Variants in DYNC2H1 observed in about 807,000 individuals in gnomAD.
The protein encoded by DYNC2H1 is cytoplasmic dynein 2 heavy chain 1.
DYNC2H1 carries 410 observed loss-of-function variants against 570.0 expected under a neutral mutation model. The observed-to-expected ratio is 0.72, with a 90% CI of 0.66 to 0.78. DYNC2H1 has a LOEUF of 0.78. DYNC2H1 is among the 30% of genes least tolerant of loss of function. The pLI, the probability that DYNC2H1 is intolerant of heterozygous loss-of-function variation, is 0.00. For synonymous variants in DYNC2H1, 1,688 were observed against 1,677.6 expected (o/e 1.01, Z -0.15); for missense variants, 4,865 against 5,046.4 (o/e 0.96, Z 1.09).
intron 1 of DYNC2H1, among the ~76,000 whole-genome samples, chr11:103,113,157 A>G (rs1858191623): frequency 6.6e-6 from 1 of 152,166 alleles, no homozygotes; most frequent in South Asian, 2.1e-4. Flanking sequence ...CTAGAGAAGC[A>G]CACTACTCAT....
At chr11:103,118,962 T>C (rs996621512) in intron 6 of DYNC2H1, among the ~76,000 whole-genome samples, 1 of 152,064 alleles carries the variant, frequency 6.6e-6, no homozygotes, top group Admixed American at 6.5e-5. Flanking sequence ...CATGAAGAGT[T>C]ACAAAATGGT....
intron 85 of DYNC2H1, among the ~76,000 whole-genome samples, chr11:103,441,660 C>G (rs1230016659): frequency 6.6e-6 from 1 of 152,102 alleles, no homozygotes. Flanking sequence ...TTCCAATCAT[C>G]AAGATTTAGC....
At chr11:103,140,641 T>C (rs571542069) in intron 17 of DYNC2H1, among the ~76,000 whole-genome samples, 81 of 151,178 alleles carry the variant, frequency 5.4e-4, no homozygotes, top group South Asian at 2.1e-3. Context: ...GCTGCCCTTT[T>C]TTCCTTCATT....
chr11:103,126,838 C>T (rs1859028324), intron 12 of DYNC2H1, among the ~76,000 whole-genome samples: 1 of 152,118 alleles, frequency 6.6e-6, no homozygotes, highest in African/African-American at 2.4e-5. Flanking sequence ...TAGAGTTTCA[C>T]CATGTTAGCC....
intron 82 of DYNC2H1, among the ~76,000 whole-genome samples, chr11:103,328,453 CAA>C (rs889024847): frequency 5.3e-5 from 8 of 152,034 alleles, no homozygotes; most frequent in African/African-American, 9.7e-5. Context: ...TCAGATACTA[CAA>C]AGTTTGATTT....
chr11:103,211,873 T>C lies in DYNC2H1; in HGVS notation c.8624T>C (p.Phe2875Ser). The C allele has an allele frequency of 6.5e-7, 1 of 1,533,982 alleles. No homozygotes were observed. The highest frequency in any genetic ancestry group is 8.8e-7 in the Non-Finnish European group (1 of 1,137,470). ...GCTACACCAAGCCGATACATGACCTTTTTACATGTGTATTCTGCCATTAGT... is the reference window on the plus strand; with the variant it reads ...GCTACACCAAGCCGATACATGACCTCTTTACATGTGTATTCTGCCATTAGT... ...YGATPSRYMT[F>S]LHVYSAISSS... Residue 2875 changes from phenylalanine to serine, a missense_variant, in exon 54 of 89, where the codon TTT (phenylalanine) becomes TCT (serine). This residue lies in a region of DYNC2H1 where 2,401 missense variants were observed against 2,454.6 expected (regional missense o/e 0.98). Transcript: ENST00000375735.
chr11:103,389,460 A>C (rs568231043), intron 83 of DYNC2H1, among the ~76,000 whole-genome samples: 1 of 152,144 alleles, frequency 6.6e-6, no homozygotes, highest in African/African-American at 2.4e-5. Context: ...TCCTGGATTC[A>C]TTGATTTCTT....
At chr11:103,240,611 C>T (rs545323136) in intron 63 of DYNC2H1, among the ~76,000 whole-genome samples, 1 of 152,210 alleles carries the variant, frequency 6.6e-6, no homozygotes, top group African/African-American at 2.4e-5. Context: ...ATCTATTTCT[C>T]AAATATCTCA....
At chr11:103,336,034 G>T (rs1417608028) in intron 82 of DYNC2H1, among the ~76,000 whole-genome samples, 2 of 152,124 alleles carry the variant, frequency 1.3e-5, no homozygotes, top group African/African-American at 4.8e-5. Flanking sequence ...TGTGTTATGA[G>T]ATTCAGTCGC....
At chr11:103,340,765 A>G (rs971066885) in intron 82 of DYNC2H1, among the ~76,000 whole-genome samples, 1 of 152,160 alleles carries the variant, frequency 6.6e-6, no homozygotes, top group Non-Finnish European at 1.5e-5. Flanking sequence ...TTGTCTGGCC[A>G]GCAGTTTCAA....
At chr11:103,338,689 T>C (rs1348747939) in intron 82 of DYNC2H1, among the ~76,000 whole-genome samples, 1 of 152,226 alleles carries the variant, frequency 6.6e-6, no homozygotes, top group East Asian at 1.9e-4. Context: ...TATATGAATC[T>C]CTTTCTTAAA....
rs111455957 is a variant in DYNC2H1 at position 103,428,916 on chromosome 11, C to T, written c.12367-7027C>T. ...ATGTGGGTTGTTTCCACCTTCCTAA[C>T]TTTTTATAACAGTGTAATCTCTTAA... On this transcript the variant is annotated intron_variant, in intron 84 of 88. Transcript: ENST00000375735. 6.5e-3 allele frequency among the ~76,000 whole-genome samples: 984 copies of T among 152,088 alleles called. 9 individuals carry two copies. The highest frequency in any genetic ancestry group is 0.022 in the African/African-American group (930 of 41,472).
intron 76 of DYNC2H1, among the ~76,000 whole-genome samples, chr11:103,303,454 G>A (rs1867135474): frequency 6.6e-6 from 1 of 152,124 alleles, no homozygotes; most frequent in South Asian, 2.1e-4. Context: ...TCTTCAGATG[G>A]GAAGAGTAGC....
chr11:103,453,185 C>G (rs1345299533), intron 85 of DYNC2H1, among the ~76,000 whole-genome samples: 1 of 151,968 alleles, frequency 6.6e-6, no homozygotes, highest in Non-Finnish European at 1.5e-5. Flanking sequence ...AAACCTAATC[C>G]TTTAAAAGGG....
rs1314429438 is a variant in DYNC2H1, at chr11:103,220,695, C to T, written c.9019C>T (p.Arg3007Cys). 1 of 1,613,062 alleles carries T rather than the reference C, an allele frequency of 6.2e-7. No homozygotes were observed. Among genetic ancestry groups the T allele is most frequent in the Admixed American group, 1.7e-5 (1 of 60,000 alleles). The change falls in exon 57 of 89, where the codon CGC becomes TGC. Residue 3007 changes from arginine (R) to cysteine (C), a missense_variant. Physicochemically the swap from Arg to Cys is radical, Grantham distance 180 (BLOSUM62 -3). Transcript: ENST00000375735. Reference protein sequence around the residue: ...PESLSEIRSLRMPPDVIRDIL... With the variant: ...PESLSEIRSLCMPPDVIRDIL... ...ATCACTTTCAGAAATTCGCTCACTA[C>T]GCATGCCACCTGATGTAATTAGAGA...
chr11:103,467,044 TGAAA>T (rs1163179304), intron 87 of DYNC2H1, among the ~76,000 whole-genome samples: 2 of 151,876 alleles, frequency 1.3e-5, no homozygotes, highest in Non-Finnish European at 2.9e-5. Flanking sequence ...CTGTTGGAAA[TGAAA>T]GAACAAAATG....
At chr11:103,155,838 C>G (rs1860792895) in intron 25 of DYNC2H1, among the ~76,000 whole-genome samples, 1 of 152,104 alleles carries the variant, frequency 6.6e-6, no homozygotes, top group East Asian at 1.9e-4. Context: ...ATTATAAGGA[C>G]TCTTGATATC....
Position 103,297,512 on chromosome 11 carries a change from T to C in DYNC2H1, c.11096-5581T>C, listed in dbSNP as rs144112157. Among the ~76,000 whole-genome samples, 265 of 152,272 alleles carry C rather than the reference T, an allele frequency of 1.7e-3. 1 individual carries two copies. Among genetic ancestry groups the C allele is most frequent in the African/African-American group, 6.1e-3 (253 of 41,570 alleles). On this transcript the variant is annotated intron_variant, in intron 75 of 88. Transcript: ENST00000375735. The stretch of plus-strand genomic sequence containing the variant: ...TACACCCTCAGACACACCTAGGCTA[T>C]GTAGTATAACTTATTGCTCTTAGGC...
chr11:103,193,108 A>T (rs1390492165), intron 47 of DYNC2H1, among the ~76,000 whole-genome samples: 2 of 152,214 alleles, frequency 1.3e-5, no homozygotes, highest in African/African-American at 2.4e-5. Flanking sequence ...GGTGGGAAAG[A>T]TGTTTAGATT....
Sources: allele counts gnomAD v4.1 joint callset (sites outside exome capture counted in the v4.1 genomes callset), GRCh38; gene constraint gnomAD v4.1.1; regional missense constraint gnomAD v4.1.1; transcripts MANE v1.5; gene names NCBI Gene and HGNC (gene_info 2026-07-23, HGNC 2026-07-21).